SHF: variants seen among roughly 807,000 people sequenced by gnomAD.
The protein encoded by SHF is SH2 domain-containing adapter protein F.
In SHF, 30 loss-of-function variants were observed where a neutral mutation model predicts 42.4. That is an observed-to-expected ratio of 0.71 (90% confidence interval 0.53 to 0.96). SHF has a LOEUF of 0.96. SHF is among the 40% of genes least tolerant of loss of function. The pLI is 0.00. For synonymous variants in SHF, 264 were observed against 269.9 expected, an observed-to-expected ratio of 0.98 and a Z score of 0.21; for missense variants, 598 against 634.0, an observed-to-expected ratio of 0.94 and a Z score of 0.61.
chr15:45,172,544 G>A (rs1483485563), intron 4 of SHF, among the ~76,000 whole-genome samples: 4 of 152,188 alleles, frequency 2.6e-5, no homozygotes, highest in African/African-American at 7.2e-5. Context: ...ACAGGGTGTT[G>A]CAGTCCCCAC....
intron 1 of SHF, among the ~76,000 whole-genome samples, chr15:45,179,443 C>T (rs1460951829): frequency 1.3e-5 from 2 of 150,718 alleles, no homozygotes; most frequent in African/African-American, 4.9e-5. Context: ...AAAGGCTTCA[C>T]TTTGGCCCTT....
At position 45,172,093 on chromosome 15, in the gene SHF, G is replaced by C. The variant is rs1567029228; in HGVS notation, c.1160+54C>G. ...GTGGGTGTCCCCTGTAGGGAAGCCAGTGCCAGGAGGGGAGGAGTGGGGAGG... is the reference window on the plus strand; with the variant it reads ...GTGGGTGTCCCCTGTAGGGAAGCCACTGCCAGGAGGGGAGGAGTGGGGAGG... On this transcript the variant is annotated intron_variant, in intron 5 of 6. Coordinates refer to ENST00000690270, the MANE Select transcript of SHF (RefSeq NM_001394037.1). 4 of 1,613,902 alleles carry C rather than the reference G, an allele frequency of 2.5e-6. No individual in the cohort carries two copies. In the South Asian group the frequency reaches 4.4e-5, roughly 18 times the overall value.
chr15:45,190,764 T>C (rs564959230), upstream of SHF, among the ~76,000 whole-genome samples: 2 of 151,144 alleles, frequency 1.3e-5, no homozygotes, highest in Admixed American at 1.3e-4. Context: ...AAAAGGGGAG[T>C]ATTCATGATG....
intron 1 of SHF, among the ~76,000 whole-genome samples, chr15:45,179,147 C>T (rs1897988021): frequency 6.6e-6 from 1 of 152,256 alleles, no homozygotes; most frequent in African/African-American, 2.4e-5. Flanking sequence ...TGAGTAGTCA[C>T]TTTTTCAGTT....
chr15:45,192,851 G>C (rs1898748077), upstream of SHF, among the ~76,000 whole-genome samples: 1 of 152,134 alleles, frequency 6.6e-6, no homozygotes, highest in African/African-American at 2.4e-5. Context: ...CTTTTCCATA[G>C]TTTCTTCATG....
At chr15:45,198,697 G>T in intron 2 of SHF, 3 of 1,524,386 alleles carry the variant, frequency 2.0e-6, no homozygotes, top group South Asian at 1.3e-5. Context: ...GGGACCCGTA[G>T]GGGTTGGCTT....
In SHF at chr15:45,178,245, G is replaced by C; in HGVS notation, c.560C>G (p.Ala187Gly). The change falls in exon 2 of 7, where the codon GCA becomes GGA. Residue 187 changes from alanine to glycine, a missense_variant. Physicochemically the swap from Ala to Gly is moderately conservative, Grantham distance 60 (BLOSUM62 0). Around this residue, in one of 2 missense-constraint regions of SHF, gnomAD observed 439 missense variants for 524.6 expected, o/e 0.84. Transcript: ENST00000690270. ...FDVQETGEGS[A>G]GASGAPEKVP... ...CTTCTCTGGGGCTCCTGAAGCTCCTGCTGAGCCTTCGCCAGTCTCCTGAAC... is the reference window on the plus strand; with the variant it reads ...CTTCTCTGGGGCTCCTGAAGCTCCTCCTGAGCCTTCGCCAGTCTCCTGAAC... 6.2e-7 allele frequency: 1 copy of C among 1,613,986 alleles called. No individual in the cohort carries two copies. Among genetic ancestry groups the C allele is most frequent in the Admixed American group, 1.7e-5 (1 of 60,024 alleles).
At position 45,187,744 on chromosome 15, in the gene SHF, C is replaced by T; in HGVS notation, c.208G>A (p.Ala70Thr). The change falls in exon 1 of 7, where the codon GCG becomes ACG. Residue 70 changes from alanine (A) to threonine (T), a missense_variant. Ala to Thr is a moderately conservative substitution (Grantham distance 58, BLOSUM62 0). Transcript: ENST00000690270. Reference sequence around the variant, plus strand: ...GGGCGGTAGTCGGGCTCGGGGGGCGCCGGCTTGCTGCCCCCTCCGCCGCCG... The same window carrying T: ...GGGCGGTAGTCGGGCTCGGGGGGCGTCGGCTTGCTGCCCCCTCCGCCGCCG... Reference protein sequence around the residue: ...GGGGGGGSKPAPPEPDYRPPA... With the variant: ...GGGGGGGSKPTPPEPDYRPPA... 2.1e-6 allele frequency: 2 copies of T among 969,348 alleles called. No individual in the cohort carries two copies. The highest frequency in any genetic ancestry group is 2.7e-6 in the Non-Finnish European group (2 of 754,062). The allele number at this position is 969,348 out of a possible 1,614,324, so 60.0% of individuals were successfully genotyped here.
rs1206157223 is a variant in SHF at position 45,173,576 on chromosome 15, C to T, written c.988G>A (p.Ala330Thr). 3.3e-5 allele frequency: 50 copies of T among 1,515,438 alleles called. No individual in the cohort carries two copies. Among genetic ancestry groups the T allele is most frequent in the East Asian group, 4.9e-5 (2 of 40,752 alleles). 93.9% of individuals were successfully genotyped at this position (1,515,438 alleles called of 1,614,324 possible). The change falls in exon 4 of 7, where the codon GCC (alanine) becomes ACC (threonine). Residue 330 changes from alanine (A) to threonine (T), a missense_variant and splice_region_variant. Ala to Thr is a moderately conservative substitution (Grantham distance 58). Transcript: ENST00000690270. ...TGGCCAGAAGCCCCCCAGGACCCAC[C>T]GCTGCTGTCCTCCAGGCTGGGCTCA... is the stretch of plus-strand genomic sequence containing the variant. ...LPEPSLEDSS[A>T]QFEGPEKSCL...
rs1484349653 is a variant in SHF, at chr15:45,187,777, C to G, written c.175G>C (p.Gly59Arg). The G allele has an allele frequency of 2.3e-6, 2 of 870,846 alleles. No individual in the cohort carries two copies. The highest frequency in any genetic ancestry group is 1.5e-6 in the Non-Finnish European group (1 of 668,134). The allele number at this position is 870,846 out of a possible 1,614,324, so 53.9% of individuals were successfully genotyped here. The change falls in exon 1 of 7, where the codon GGG (glycine) becomes CGG (arginine). Residue 59 changes from glycine to arginine, a missense_variant. By Grantham distance (125) the Gly-to-Arg change is moderately radical. This residue lies in a region of SHF where 159 missense variants were observed against 109.3 expected (regional missense o/e 1.45). Coordinates refer to ENST00000690270, the MANE Select transcript of SHF (RefSeq NM_001394037.1). ...KWLREHLGFR[G>R]GGGGGGGSKP... is the part of the protein sequence containing the mutation. Reference sequence around the variant, plus strand: ...CTGCCCCCTCCGCCGCCGCCCCCCCCGCGGAAGCCCAGGTGCTCCCGGAGC... The same window carrying G: ...CTGCCCCCTCCGCCGCCGCCCCCCCGGCGGAAGCCCAGGTGCTCCCGGAGC...
At chr15:45,184,099 A>C (rs1418911649) in intron 1 of SHF, among the ~76,000 whole-genome samples, 1 of 152,230 alleles carries the variant, frequency 6.6e-6, no homozygotes, top group Non-Finnish European at 1.5e-5. Context: ...CAAAAAGGCA[A>C]GTATGAGGTC....
At chr15:45,183,613 T>C (rs1016717339) in intron 1 of SHF, among the ~76,000 whole-genome samples, 2 of 152,198 alleles carry the variant, frequency 1.3e-5, no homozygotes, top group African/African-American at 2.4e-5. Context: ...GCAGGTATCC[T>C]CCAAGTCCTG....
At position 45,180,314 on chromosome 15, in the gene SHF, G is replaced by A. The variant is rs374221581; in HGVS notation, c.499-2008C>T. Among the ~76,000 whole-genome samples the A allele has an allele frequency of 5.3e-5, 8 of 152,182 alleles. No individual in the cohort carries two copies. In the East Asian group the frequency reaches 9.7e-4, roughly 18 times the overall value. On this transcript the variant is annotated intron_variant, in intron 1 of 6. Transcript: ENST00000690270. Reference sequence around the variant, plus strand: ...AAAATAAATCCACTCACCCCTACCCGCCCAAGCTGCTTCCTCCCAGGCCAA... The same window carrying A: ...AAAATAAATCCACTCACCCCTACCCACCCAAGCTGCTTCCTCCCAGGCCAA...
rs750373985 is a variant in SHF, at chr15:45,170,393, T to C, written c.1280+1490A>G. Reference sequence around the variant, plus strand: ...TTATAATTTTTAAAGCAATACACATTTCTGAGGTTATGTAAATCAAATTTT... The same window carrying C: ...TTATAATTTTTAAAGCAATACACATCTCTGAGGTTATGTAAATCAAATTTT... On this transcript the variant is annotated intron_variant, in intron 6 of 6. Transcript: ENST00000690270. The C allele has an allele frequency of 3.1e-6, 4 of 1,288,628 alleles. No individual in the cohort carries two copies. In the South Asian group the frequency reaches 5.0e-5, roughly 16 times the overall value. The allele number at this position is 1,288,628 out of a possible 1,614,324, so 79.8% of individuals were successfully genotyped here.
chr15:45,184,460 G>A (rs1383819989), intron 1 of SHF, among the ~76,000 whole-genome samples: 1 of 152,140 alleles, frequency 6.6e-6, no homozygotes, highest in African/African-American at 2.4e-5. Context: ...ACAATTTCTG[G>A]CGGTTCATGA....
chr15:45,173,472 G>A, intron 4 of SHF, 104 bp downstream of exon 4: 1 of 1,406,972 alleles, frequency 7.1e-7, no homozygotes, highest in Non-Finnish European at 9.3e-7. Flanking sequence ...GATTCTTCCT[G>A]GGGTCTCCAA....
intron 1 of SHF, among the ~76,000 whole-genome samples, chr15:45,184,641 A>G (rs971961876): frequency 8.5e-5 from 13 of 152,244 alleles, no homozygotes; most frequent in Admixed American, 5.9e-4. Context: ...GCTTTGTCCA[A>G]TCAGAGCCCT....
intron 6 of SHF, among the ~76,000 whole-genome samples, chr15:45,168,536 G>A (rs1337028748): frequency 1.3e-5 from 2 of 152,176 alleles, no homozygotes; most frequent in African/African-American, 4.8e-5. Context: ...ACCCGTGAGG[G>A]GCTCCTGGTG....
upstream of SHF, among the ~76,000 whole-genome samples, chr15:45,190,352 A>C (rs114009588): frequency 3.0e-3 from 461 of 152,362 alleles, 1 homozygote; most frequent in African/African-American, 0.011. Flanking sequence ...GAGTCTCCAC[A>C]GTCACCAGGT....
Sources: gnomAD v4.1 joint callset for allele counts (sites outside exome capture counted in the v4.1 genomes callset) on GRCh38, gnomAD v4.1.1 for gene constraint, gnomAD v4.1.1 regional missense constraint, MANE v1.5 for transcripts, NCBI Gene and HGNC (gene_info 2026-07-23, HGNC 2026-07-21) for gene names.